Variants in GIMAP8 observed in about 807,000 individuals in gnomAD.
GIMAP8 encodes GTPase IMAP family member 8.
GIMAP8 carries 29 observed loss-of-function variants against 35.6 expected under a neutral mutation model. The ratio of observed to expected loss-of-function variants is 0.81; its 90% CI spans 0.61 to 1.11. GIMAP8 has a LOEUF of 1.11. Among genes scored for constraint, GIMAP8 ranks in the 50% most tolerant of loss-of-function variants. The pLI is 0.00. For missense variants in GIMAP8, 811 were observed against 805.0 expected, an observed-to-expected ratio of 1.01 and a Z score of -0.09; for synonymous variants, 335 against 308.7, an observed-to-expected ratio of 1.09 and a Z score of -0.89.
rs202178130 is a variant in GIMAP8 at position 150,467,218 on chromosome 7, A to G, written c.520A>G (p.Ser174Gly). The stretch of plus-strand genomic sequence containing the variant: ...CTGCATTTTCAACAACAAGACCAAT[A>G]GTAAGGATGAGCAGATCACCCAGGT... ...RYCIFNNKTN[S>G]KDEQITQVLE... Residue 174 changes from serine (S) to glycine (G), a missense_variant, in exon 2 of 5, where the codon AGT becomes GGT. Transcript: ENST00000307271. The G allele has an allele frequency of 1.2e-6, 2 of 1,614,256 alleles. No homozygotes were observed. The highest frequency in any genetic ancestry group is 1.3e-5 in the African/African-American group (1 of 75,066).
At position 150,477,188 on chromosome 7, in the gene GIMAP8, G is replaced by C; in HGVS notation, c.1406G>C (p.Arg469Pro). ...AGCCTCGTCTTCACCTCTCGGCTCC[G>C]GGCCCAGCCAGTCACCAAGACCAGC... is the stretch of plus-strand genomic sequence containing the variant. ...LGSLVFTSRL[R>P]AQPVTKTSQS... The change falls in exon 5 of 5, where the codon CGG (arginine) becomes CCG (proline). Residue 469 changes from arginine (R) to proline (P), a missense_variant. Physicochemically the swap from Arg to Pro is moderately radical, Grantham distance 103 (BLOSUM62 -2). Coordinates refer to ENST00000307271, the MANE Select transcript of GIMAP8 (RefSeq NM_175571.4). The C allele has an allele frequency of 6.2e-7, 1 of 1,614,076 alleles. No individual in the cohort carries two copies. The highest frequency in any genetic ancestry group is 8.5e-7 in the Non-Finnish European group (1 of 1,180,016).
intron 1 of GIMAP8, among the ~76,000 whole-genome samples, chr7:150,463,271 T>A (rs113931286): frequency 0.015 from 2,310 of 152,266 alleles, 47 homozygotes; most frequent in Non-Finnish European, 0.02. Context: ...GTATTGTCAA[T>A]CTGTGTTCTC....
rs572275403 is a variant in GIMAP8, at chr7:150,474,025, G to A, written c.696G>A (p.Arg232=). 43 of 1,612,660 alleles carry A rather than the reference G, an allele frequency of 2.7e-5. 1 individual carries two copies. In the South Asian group the frequency reaches 4.5e-4, roughly 17 times the overall value. ...TTTGTCCCACAGGCCCAAGGGAAAG[G>A]CAGCTGCAGTCCACAGGACCCGAGC... ...EGDKPQGPRE[R]QLQSTGPEQN... Residue 232 remains arginine, a synonymous_variant, in exon 4 of 5, where the codon AGG becomes AGA. Transcript: ENST00000307271.
chr7:150,459,129 T>C (rs1801790864), intron 1 of GIMAP8, among the ~76,000 whole-genome samples: 1 of 152,236 alleles, frequency 6.6e-6, no homozygotes, highest in Non-Finnish European at 1.5e-5. Context: ...TGGGTTGTTG[T>C]AATTTTCCAT....
rs771833252 is a variant in GIMAP8 at position 150,474,569 on chromosome 7, G to A, written c.1240G>A (p.Glu414Lys). 6.8e-6 allele frequency: 11 copies of A among 1,613,054 alleles called. No individual in the cohort carries two copies. Among genetic ancestry groups the A allele is most frequent in the South Asian group, 1.1e-5 (1 of 90,832 alleles). The change falls in exon 4 of 5, where the codon GAG becomes AAG. Residue 414 changes from glutamate (E) to lysine (K), a missense_variant. Transcript: ENST00000307271. The part of the protein sequence containing the change: ...TGEEEQRQAD[E>K]LLEKIESMVH... ...AGAAGAAGAGCAAAGGCAGGCGGAC[G>A]AGCTCCTGGAAAAAATTGAGAGCAT...
intron 1 of GIMAP8, among the ~76,000 whole-genome samples, chr7:150,458,763 G>T (rs1179537602): frequency 6.6e-6 from 1 of 152,146 alleles, no homozygotes; most frequent in Non-Finnish European, 1.5e-5. Context: ...TTGATATCCT[G>T]TAACTTAAGT....
At chr7:150,465,918 C>T (rs1490424878) in intron 1 of GIMAP8, among the ~76,000 whole-genome samples, 1 of 152,200 alleles carries the variant, frequency 6.6e-6, no homozygotes, top group African/African-American at 2.4e-5. Flanking sequence ...GGTAATACCG[C>T]TTCTATCTTA....
chr7:150,470,767 T>G, intron 2 of GIMAP8, 62 bp from the exon 3 acceptor site: 4 of 655,330 alleles, frequency 6.1e-6, no homozygotes, highest in Non-Finnish European at 7.5e-6. Context: ...TTTTTTTTTT[T>G]TCAGTTTGTG....
In GIMAP8 at chr7:150,477,497, C is replaced by T. The variant is rs148465635; in HGVS notation, c.1715C>T (p.Ala572Val). The T allele has an allele frequency of 1.9e-6, 3 of 1,614,108 alleles. No homozygotes were observed. Among genetic ancestry groups the T allele is most frequent in the South Asian group, 1.1e-5 (1 of 91,078 alleles). ...TTCACCCGGAAGGAAGACCTAGGGG[C>T]GGGGAATTTGGAAGACTTCATGAAG... is the stretch of plus-strand genomic sequence containing the variant. Reference protein sequence around the residue: ...MLFTRKEDLGAGNLEDFMKNS... With the variant: ...MLFTRKEDLGVGNLEDFMKNS... Residue 572 changes from alanine to valine, a missense_variant, in exon 5 of 5, where the codon GCG becomes GTG. Physicochemically the swap from Ala to Val is moderately conservative, Grantham distance 64 (BLOSUM62 0). Coordinates refer to ENST00000307271, the MANE Select transcript of GIMAP8 (RefSeq NM_175571.4).
intron 1 of GIMAP8, among the ~76,000 whole-genome samples, chr7:150,461,220 G>T (rs1046776983): frequency 2.6e-5 from 4 of 152,218 alleles, no homozygotes; most frequent in African/African-American, 9.6e-5. Context: ...TGGAGGAAAT[G>T]TTCTGTAAAC....
chr7:150,476,360 A>G (rs77773293), intron 4 of GIMAP8, among the ~76,000 whole-genome samples: 2,440 of 152,376 alleles, frequency 0.016, 63 homozygotes, highest in African/African-American at 0.056. Context: ...CGCATATTGT[A>G]AGGTCTCTAT....
intron 2 of GIMAP8, among the ~76,000 whole-genome samples, chr7:150,468,803 C>T (rs1233768058): frequency 6.6e-6 from 1 of 152,108 alleles, no homozygotes; most frequent in Non-Finnish European, 1.5e-5. Context: ...ACTGAATGCC[C>T]ACTAAATTCC....
intron 4 of GIMAP8, among the ~76,000 whole-genome samples, chr7:150,475,392 C>T (rs1197968910): frequency 1.3e-5 from 2 of 152,214 alleles, no homozygotes; most frequent in Admixed American, 6.5e-5. Flanking sequence ...GAAGTTATAG[C>T]TTTTCCATGC....
rs547868717 is a variant in GIMAP8, at chr7:150,452,909, G to A, written c.-29+1734G>A. Among the ~76,000 whole-genome samples, 12 of 150,896 alleles carry A rather than the reference G, an allele frequency of 8.0e-5. No homozygotes were observed. The South Asian group carries it at 1.2e-3, about 16-fold the overall frequency. On this transcript the variant is annotated intron_variant, in intron 1 of 4. Coordinates refer to ENST00000307271, the MANE Select transcript of GIMAP8 (RefSeq NM_175571.4). ...GGCCTCCCTCTCAGTTCTAAAAACC[G>A]TTTTTCTTCTTTTCTTCACATTTCT...
rs1801615794 is a variant in GIMAP8, at chr7:150,451,863, C to T, written c.-29+688C>T. ...CACCTACATTTCAGCCAACCTGGTCCTCAGCAGTTAACCTCTTCCCTTCCT... is the reference window on the plus strand; with the variant it reads ...CACCTACATTTCAGCCAACCTGGTCTTCAGCAGTTAACCTCTTCCCTTCCT... On this transcript the variant is annotated intron_variant, in intron 1 of 4. Transcript: ENST00000307271. This position sits in a 1 kb window ranked among gnomAD's most constrained non-coding sequence, Gnocchi z 4.1. 6.6e-6 allele frequency among the ~76,000 whole-genome samples: 1 copy of T among 152,224 alleles called. No individual in the cohort carries two copies. Among genetic ancestry groups the T allele is most frequent in the African/African-American group, 2.4e-5 (1 of 41,454 alleles).
intron 1 of GIMAP8, among the ~76,000 whole-genome samples, chr7:150,452,875 A>G (rs150235069): frequency 2.0e-5 from 3 of 151,062 alleles, no homozygotes; most frequent in Non-Finnish European, 4.4e-5. Context: ...GGCGTGAGCC[A>G]CTGCGCCCGG....
rs771913119 is a variant in GIMAP8 at position 150,477,697 on chromosome 7, A to G, written c.1915A>G (p.Asn639Asp). ...GWSGYPHTQE[N>D]VSKLIKNVQE... ...GTCCGGGTATCCCCATACACAGGAG[A>G]ACGTCAGCAAACTAATTAAAAATGT... Residue 639 changes from asparagine (N) to aspartate (D), a missense_variant, in exon 5 of 5, where the codon AAC (asparagine) becomes GAC (aspartate). Coordinates refer to ENST00000307271, the MANE Select transcript of GIMAP8 (RefSeq NM_175571.4). 1.7e-5 allele frequency: 28 copies of G among 1,614,086 alleles called. No individual in the cohort carries two copies. The highest frequency in any genetic ancestry group is 2.2e-5 in the Non-Finnish European group (26 of 1,180,044).
chr7:150,467,760 C>T (rs1802000970), intron 2 of GIMAP8, among the ~76,000 whole-genome samples: 1 of 152,096 alleles, frequency 6.6e-6, no homozygotes, highest in South Asian at 2.1e-4. Flanking sequence ...TGGTTCTGGC[C>T]TTCCTCAATT....
chr7:150,472,911 C>G lies in GIMAP8; in HGVS notation c.683-1101C>G, dbSNP rs1276038258. ...CTCAAGTTCTTCCTTAACTGTGAAG[C>G]CTTCCATGCACACTTCCGTGCTAGT... is the stretch of plus-strand genomic sequence containing the variant. On this transcript the variant is annotated intron_variant, in intron 3 of 4. Coordinates refer to ENST00000307271, the MANE Select transcript of GIMAP8 (RefSeq NM_175571.4). The surrounding 1 kb of genome is among the most constrained non-coding windows in gnomAD (Gnocchi z 4.1). Among the ~76,000 whole-genome samples the G allele has an allele frequency of 6.6e-6, 1 of 152,200 alleles. No individual in the cohort carries two copies. Among genetic ancestry groups the G allele is most frequent in the Non-Finnish European group, 1.5e-5 (1 of 68,032 alleles).
Sources: gnomAD v4.1 joint callset for allele counts (sites outside exome capture counted in the v4.1 genomes callset) on GRCh38, gnomAD v4.1.1 for gene constraint, Gnocchi (gnomAD v3.1) non-coding constraint, MANE v1.5 for transcripts, NCBI Gene and HGNC (gene_info 2026-07-23, HGNC 2026-07-21) for gene names.